Variants in DACH2 observed in about 807,000 individuals in gnomAD.
DACH2 encodes the protein dachshund homolog 2.
DACH2 carries 17 observed loss-of-function variants against 35.8 expected under a neutral mutation model. That is an observed-to-expected ratio of 0.48 (90% CI 0.33 to 0.71). The LOEUF (loss-of-function observed/expected upper bound fraction) is 0.71, where lower values mean the gene tolerates loss of function less well. Among genes scored for constraint, DACH2 ranks in the 30% least tolerant of loss-of-function variants. The probability of loss-of-function intolerance (pLI) is 0.02; values close to 1 mark genes in which losing one functional copy is unlikely to be tolerated. For synonymous variants in DACH2, 195 were observed against 177.3 expected (o/e 1.10, Z -0.79); for missense variants, 469 against 472.7 (o/e 0.99, Z 0.07).
chrX:86,242,995 A>G (rs756012636), intron 1 of DACH2, among the ~76,000 whole-genome samples: 1 of 111,725 alleles, frequency 9.0e-6, no homozygotes, highest in Non-Finnish European at 1.9e-5. Flanking sequence ...TTTATCAATT[A>G]CCCAGTCTCA....
rs376104342 is a variant in DACH2, at chrX:86,227,022, T to G, written c.488+77914T>G. Among the ~76,000 whole-genome samples the G allele has an allele frequency of 2.4e-3, 268 of 111,433 alleles. 1 individual carries two copies. Among genetic ancestry groups the G allele is most frequent in the African/African-American group, 8.4e-3 (258 of 30,841 alleles). On this transcript the variant is annotated intron_variant, in intron 1 of 11. Coordinates refer to ENST00000373125, the MANE Select transcript of DACH2 (RefSeq NM_053281.3). ...TTAGTCATTTCATTTGGGAGAAAAGTAATATCCTACCCACTCTTTCAAGAT... is the reference window on the plus strand; with the variant it reads ...TTAGTCATTTCATTTGGGAGAAAAGGAATATCCTACCCACTCTTTCAAGAT...
intron 1 of DACH2, among the ~76,000 whole-genome samples, chrX:86,357,969 T>A (rs2035669964): frequency 8.9e-6 from 1 of 111,843 alleles, no homozygotes; most frequent in Non-Finnish European, 1.9e-5. Flanking sequence ...ACTAGAAGTT[T>A]GTTGGGCAGA....
chrX:86,658,696 A>G (rs1245706569), intron 4 of DACH2, among the ~76,000 whole-genome samples: 1 of 111,942 alleles, frequency 8.9e-6, no homozygotes, highest in Non-Finnish European at 1.9e-5. Context: ...TGGGAAATAG[A>G]TGCTTGAATG....
At chrX:86,667,521 GA>G (rs1169149973) in intron 4 of DACH2, among the ~76,000 whole-genome samples, 48 of 56,439 alleles carry the variant, frequency 8.5e-4, no homozygotes, top group African/African-American at 4.0e-3. Context: ...AAGAAAGAAA[GA>G]AAGAAAGAAA....
At chrX:86,600,950 C>G (rs1184633588) in intron 3 of DACH2, among the ~76,000 whole-genome samples, 1 of 111,533 alleles carries the variant, frequency 9.0e-6, no homozygotes, top group Non-Finnish European at 1.9e-5. Flanking sequence ...TATGCCATAG[C>G]TCCTGTGGTC....
At chrX:86,545,136 A>G (rs1464837313) in intron 3 of DACH2, among the ~76,000 whole-genome samples, 1 of 111,991 alleles carries the variant, frequency 8.9e-6, no homozygotes, top group African/African-American at 3.3e-5. Flanking sequence ...ACAGTAGCAA[A>G]GACATAGAAT....
chrX:86,320,532 T>C (rs1322875518), intron 1 of DACH2, among the ~76,000 whole-genome samples: 1 of 111,989 alleles, frequency 8.9e-6, no homozygotes, highest in Non-Finnish European at 1.9e-5. Context: ...GAGGAGGCAA[T>C]TGTCTGTTAG....
At chrX:86,624,393 T>C (rs754963707) in intron 3 of DACH2, among the ~76,000 whole-genome samples, 1 of 112,188 alleles carries the variant, frequency 8.9e-6, no homozygotes, top group African/African-American at 3.2e-5. Flanking sequence ...ACATAAACTA[T>C]ACTAAGATTC....
intron 1 of DACH2, among the ~76,000 whole-genome samples, chrX:86,369,183 T>C (rs1223264775): frequency 9.0e-6 from 1 of 111,061 alleles, no homozygotes; most frequent in Non-Finnish European, 1.9e-5. Flanking sequence ...AACTTATATA[T>C]ATTGCTTTGA....
chrX:86,605,409 G>T (rs1349443477), intron 3 of DACH2, among the ~76,000 whole-genome samples: 1 of 110,583 alleles, frequency 9.0e-6, no homozygotes, highest in Non-Finnish European at 1.9e-5. Flanking sequence ...GGAATTCTGA[G>T]TTGGCACATT....
chrX:86,521,720 G>A (rs1024279590), intron 3 of DACH2, among the ~76,000 whole-genome samples: 3 of 111,859 alleles, frequency 2.7e-5, no homozygotes, highest in African/African-American at 6.5e-5. Context: ...GGAAGGTGGA[G>A]GAATCTGCAG....
At chrX:86,773,109 C>A (rs191752304) in intron 7 of DACH2, among the ~76,000 whole-genome samples, 4 of 111,576 alleles carry the variant, frequency 3.6e-5, no homozygotes, top group African/African-American at 1.3e-4. Flanking sequence ...ACCTAAGGAA[C>A]CTGATTAAAT....
At chrX:86,768,361 C>T (rs1231631515) in intron 7 of DACH2, among the ~76,000 whole-genome samples, 1 of 111,401 alleles carries the variant, frequency 9.0e-6, no homozygotes, top group Non-Finnish European at 1.9e-5. Flanking sequence ...GGTATTTTCC[C>T]TTTGTGTGGA....
At chrX:86,824,056 T>A (rs894824781) in intron 11 of DACH2, among the ~76,000 whole-genome samples, 1 of 109,990 alleles carries the variant, frequency 9.1e-6, no homozygotes, top group Non-Finnish European at 1.9e-5. Flanking sequence ...GAAAACAGAG[T>A]TTGAGAGCAG....
At chrX:86,584,201 G>A (rs187952617) in intron 3 of DACH2, among the ~76,000 whole-genome samples, 5 of 110,175 alleles carry the variant, frequency 4.5e-5, no homozygotes, top group Non-Finnish European at 3.8e-5. Context: ...TATCAGTTTG[G>A]GTGACTTCTG....
chrX:86,395,638 T>A (rs1183617177), intron 2 of DACH2, among the ~76,000 whole-genome samples: 23 of 110,960 alleles, frequency 2.1e-4, no homozygotes, highest in Non-Finnish European at 4.0e-4. Flanking sequence ...ACATGCGGTG[T>A]TTGGTTTTTT....
At chrX:86,724,139 GC>G (rs1184328981) in intron 6 of DACH2, among the ~76,000 whole-genome samples, 1 of 110,999 alleles carries the variant, frequency 9.0e-6, no homozygotes, top group Non-Finnish European at 1.9e-5. Flanking sequence ...GAAGTTTTGT[GC>G]CTGTCATGTT....
chrX:86,173,884 A>G (rs1037019123), intron 1 of DACH2, among the ~76,000 whole-genome samples: 1 of 111,845 alleles, frequency 8.9e-6, no homozygotes, highest in Non-Finnish European at 1.9e-5. Flanking sequence ...GCAATGGCTT[A>G]GACCATAGTG....
rs1002515970 is a variant in DACH2, at chrX:86,538,676, T to A, written c.640+24285T>A. ...AGAGAGCAAACTTTTAGCCTCAAGT[T>A]CTTTTTATAATCAGTATTTTTCAAT... On this transcript the variant is annotated intron_variant, in intron 3 of 11. Transcript: ENST00000373125. 1.2e-4 allele frequency among the ~76,000 whole-genome samples: 13 copies of A among 111,106 alleles called. No homozygotes were observed. The Admixed American group carries it at 1.3e-3, about 11-fold the overall frequency.
Sources: gnomAD v4.1 joint callset for allele counts (sites outside exome capture counted in the v4.1 genomes callset) on GRCh38, gnomAD v4.1.1 for gene constraint, MANE v1.5 for transcripts, NCBI Gene and HGNC (gene_info 2026-07-23, HGNC 2026-07-21) for gene names.